ABLIM1: variants seen among roughly 807,000 people sequenced by gnomAD.
ABLIM1 encodes actin-binding LIM protein 1.
ABLIM1 carries 40 observed loss-of-function variants against 107.0 expected under a neutral mutation model. That is an observed-to-expected ratio of 0.37 (90% CI 0.29 to 0.49). The LOEUF (loss-of-function observed/expected upper bound fraction) is 0.49. Ranked by LOEUF, ABLIM1 falls within the 20% of genes least tolerant of loss-of-function variation. The pLI is 0.97. For synonymous variants in ABLIM1, 357 were observed against 357.3 expected (o/e 1.00, Z 0.01); for missense variants, 857 against 1,008.5 (o/e 0.85, Z 2.04).
At chr10:114,587,360 C>T (rs1379041797) in intron 2 of ABLIM1, among the ~76,000 whole-genome samples, 1 of 152,180 alleles carries the variant, frequency 6.6e-6, no homozygotes, top group Non-Finnish European at 1.5e-5. Flanking sequence ...TGGTAACAGA[C>T]TCTATCAAAA....
intron 1 of ABLIM1, among the ~76,000 whole-genome samples, chr10:114,691,851 A>G (rs773771560): frequency 6.6e-6 from 1 of 152,220 alleles, no homozygotes; most frequent in African/African-American, 2.4e-5. Context: ...ATGAAAGAGG[A>G]TATTTATCAA....
chr10:114,545,213 G>A (rs1392662624), intron 5 of ABLIM1, 115 bp from the exon 6 acceptor site: 12 of 881,208 alleles, frequency 1.4e-5, no homozygotes, highest in Middle Eastern at 3.2e-4. Context: ...TTTCTCCCCT[G>A]CCCAGTGTTC....
intron 1 of ABLIM1, among the ~76,000 whole-genome samples, chr10:114,695,030 G>A (rs1353547803): frequency 6.6e-6 from 1 of 152,182 alleles, no homozygotes; most frequent in African/African-American, 2.4e-5. Flanking sequence ...TTATGTGCAT[G>A]TTACAGTTAG....
intron 4 of ABLIM1, among the ~76,000 whole-genome samples, chr10:114,548,313 T>C (rs1016666528): frequency 2.6e-5 from 4 of 152,238 alleles, no homozygotes; most frequent in African/African-American, 7.2e-5. Context: ...AAGTGGCTCT[T>C]AATTCCTTAG....
At chr10:114,468,253 T>C in intron 10 of ABLIM1, 37 bp from the exon 11 acceptor site, 2 of 1,594,712 alleles carry the variant, frequency 1.3e-6, no homozygotes, top group Non-Finnish European at 1.7e-6. Context: ...TCACAATGTT[T>C]GTTAACTCTT....
chr10:114,772,183 A>G (rs2083032186), upstream of ABLIM1, among the ~76,000 whole-genome samples: 1 of 152,238 alleles, frequency 6.6e-6, no homozygotes, highest in Non-Finnish European at 1.5e-5. Context: ...GCAGTATACA[A>G]GGTGGAGAAG....
chr10:114,560,103 C>A (rs1033034009), intron 4 of ABLIM1, among the ~76,000 whole-genome samples: 1 of 152,180 alleles, frequency 6.6e-6, no homozygotes, highest in African/African-American at 2.4e-5. Flanking sequence ...CCAATGCTTT[C>A]AAGATTTGGG....
intron 8 of ABLIM1, among the ~76,000 whole-genome samples, chr10:114,482,771 C>T (rs1341409634): frequency 1.3e-5 from 2 of 152,138 alleles, no homozygotes; most frequent in East Asian, 1.9e-4. Flanking sequence ...AGACCTCTCT[C>T]GCTCCCTCTC....
intron 6 of ABLIM1, among the ~76,000 whole-genome samples, chr10:114,538,381 ACAGAT>A (rs1244816167): frequency 6.6e-6 from 1 of 152,166 alleles, no homozygotes; most frequent in East Asian, 1.9e-4. Flanking sequence ...TTCCAAGTTA[ACAGAT>A]AAAGACAGGG....
intron 1 of ABLIM1, among the ~76,000 whole-genome samples, chr10:114,767,542 T>C (rs1054268899): frequency 6.6e-6 from 1 of 152,100 alleles, no homozygotes; most frequent in Non-Finnish European, 1.5e-5. Flanking sequence ...GTAATTGTTT[T>C]ACTCCAGAAA....
In ABLIM1 at chr10:114,629,750, G is replaced by C. The variant is rs1290113465; in HGVS notation, c.245-27789C>G. On this transcript the variant is annotated intron_variant, in intron 1 of 22. Coordinates refer to ENST00000533213, the MANE Select transcript of ABLIM1 (RefSeq NM_002313.7). The surrounding 1 kb of genome is among the most constrained non-coding windows in gnomAD (Gnocchi z 4.0). ...TTCTCATCTCTAGGATGAATGCCTG[G>C]ACTAAACGATCCCCAGTGCCCTTCT... Among the ~76,000 whole-genome samples the C allele has an allele frequency of 6.6e-6, 1 of 152,126 alleles. No individual in the cohort carries two copies. The highest frequency in any genetic ancestry group is 2.4e-5 in the African/African-American group (1 of 41,420).
chr10:114,600,113 C>T (rs1229680560), intron 2 of ABLIM1, among the ~76,000 whole-genome samples: 1 of 152,110 alleles, frequency 6.6e-6, no homozygotes, highest in East Asian at 1.9e-4. Context: ...CCTTATTTTA[C>T]AGATAAGGAC....
intron 2 of ABLIM1, chr10:114,601,560 T>G (rs1022911951): frequency 1.9e-6 from 1 of 520,756 alleles, no homozygotes; most frequent in Non-Finnish European, 3.5e-6. Context: ...GCCGGCCTTT[T>G]TACTGCTCGT....
chr10:114,436,518 A>T, intron 22 of ABLIM1, 145 bp from the exon 23 acceptor site: 1 of 619,572 alleles, frequency 1.6e-6, no homozygotes, highest in South Asian at 2.2e-5. Context: ...AATGCTTGTG[A>T]CATCAGTATC....
At chr10:114,560,400 G>T (rs2069518468) in intron 4 of ABLIM1, among the ~76,000 whole-genome samples, 1 of 152,194 alleles carries the variant, frequency 6.6e-6, no homozygotes, top group Non-Finnish European at 1.5e-5. Context: ...CCATAAGATT[G>T]CAACGAAGCT....
chr10:114,797,975 T>C, the ABLIM1 span, among the ~76,000 whole-genome samples: 1 of 152,226 alleles, frequency 6.6e-6, no homozygotes, highest in South Asian at 2.1e-4. Context: ...ATAAAAAAAC[T>C]GTCATTATTT....
chr10:114,723,773 C>A (rs949955092), intron 1 of ABLIM1, among the ~76,000 whole-genome samples: 4 of 150,788 alleles, frequency 2.7e-5, no homozygotes. Context: ...TCTGTGAGCT[C>A]TTTTGTACCT....
At chr10:114,696,086 A>G (rs2081188194) in intron 1 of ABLIM1, among the ~76,000 whole-genome samples, 1 of 152,164 alleles carries the variant, frequency 6.6e-6, no homozygotes, top group South Asian at 2.1e-4. Flanking sequence ...TGAGTCAAAA[A>G]TCTTTCCTTG....
intron 8 of ABLIM1, 112 bp downstream of exon 8, chr10:114,487,846 G>T: frequency 7.4e-7 from 1 of 1,345,492 alleles, no homozygotes; most frequent in Non-Finnish European, 1.1e-6. Context: ...TTTGCTATAA[G>T]GGAAAAAGTC....
Sources: allele counts gnomAD v4.1 joint callset (sites outside exome capture counted in the v4.1 genomes callset), GRCh38; gene constraint gnomAD v4.1.1; non-coding constraint Gnocchi (gnomAD v3.1); transcripts MANE v1.5; gene names NCBI Gene and HGNC (gene_info 2026-07-23, HGNC 2026-07-21).